The following NOX5 variants were observed in gnomAD, a reference collection of about 807,000 sequenced individuals.
The protein encoded by NOX5 is NADPH oxidase, EF-hand calcium binding domain 5.
A neutral mutation model predicts 85.7 loss-of-function variants in NOX5; 76 were observed. That is an observed-to-expected ratio of 0.89 (90% confidence interval 0.74 to 1.07). The LOEUF is 1.07. NOX5 is among the 50% of genes least tolerant of loss of function. The probability of loss-of-function intolerance (pLI) is 0.00; values close to 1 mark genes in which losing one functional copy is unlikely to be tolerated. For missense variants in NOX5, 973 were observed against 999.5 expected, an observed-to-expected ratio of 0.97 and a Z score of 0.36; for synonymous variants, 405 against 401.4, an observed-to-expected ratio of 1.01 and a Z score of -0.11.
At chr15:69,036,952 TA>T in intron 7 of NOX5, 75 bp from the exon 8 acceptor site, 1 of 1,187,598 alleles carries the variant, frequency 8.4e-7, no homozygotes, top group South Asian at 1.3e-5. Flanking sequence ...GCTTTGAGGA[TA>T]ACCCTGAGTC....
At chr15:69,039,652 C>T (rs988863960) in intron 9 of NOX5, among the ~76,000 whole-genome samples, 1 of 152,160 alleles carries the variant, frequency 6.6e-6, no homozygotes, top group Non-Finnish European at 1.5e-5. Flanking sequence ...CCTACTCCCA[C>T]CTGGACTTGG....
intron 14 of NOX5, among the ~76,000 whole-genome samples, chr15:69,050,548 G>A (rs889147998): frequency 4.6e-5 from 7 of 152,014 alleles, no homozygotes; most frequent in Non-Finnish European, 8.8e-5. Context: ...CCGCCTCCAC[G>A]CCAGGCTAAT....
At chr15:69,055,231 G>T in intron 14 of NOX5, 103 bp from the exon 15 acceptor site, 2 of 1,263,066 alleles carry the variant, frequency 1.6e-6, no homozygotes, top group Non-Finnish European at 2.2e-6. Context: ...AAAGACCTAT[G>T]GGTCTCCTTC....
chr15:69,020,405 T>G (rs2050283032), intron 1 of NOX5, among the ~76,000 whole-genome samples: 1 of 152,140 alleles, frequency 6.6e-6, no homozygotes, highest in Non-Finnish European at 1.5e-5. Context: ...ATTCTCATTA[T>G]TTTATTTATT....
chr15:69,050,894 C>T (rs886964135), intron 14 of NOX5, among the ~76,000 whole-genome samples: 1 of 152,186 alleles, frequency 6.6e-6, no homozygotes, highest in Non-Finnish European at 1.5e-5. Context: ...AAAGCCTCTT[C>T]GCTTTTAGTG....
intron 5 of NOX5, among the ~76,000 whole-genome samples, chr15:69,033,622 G>A (rs1436452117): frequency 6.6e-6 from 1 of 151,588 alleles, no homozygotes; most frequent in African/African-American, 2.4e-5. Flanking sequence ...TTGAATACCA[G>A]ACCATGGAGT....
At position 69,031,589 on chromosome 15, in the gene NOX5, C is replaced by A. The variant is rs746671904; in HGVS notation, c.397C>A (p.Pro133Thr). Residue 133 changes from proline to threonine, a missense_variant, in exon 4 of 16, where the codon CCA (proline) becomes ACA (threonine). Physicochemically the swap from Pro to Thr is conservative, Grantham distance 38. Coordinates refer to ENST00000388866, the MANE Select transcript of NOX5 (RefSeq NM_024505.4). ...GGCAGGCCCGCACTGGGCTTCATCC[C>A]CACTCGGGACAGGCAGTGGCTCCAT... is the stretch of plus-strand genomic sequence containing the variant. ...AGAGPHWASS[P>T]LGTGSGSIDP... is the part of the protein sequence containing the mutation. 5.0e-6 allele frequency: 8 copies of A among 1,613,044 alleles called. No individual in the cohort carries two copies. Among genetic ancestry groups the A allele is most frequent in the East Asian group, 2.2e-5 (1 of 44,878 alleles).
At chr15:69,039,066 C>T (rs745357412) in intron 9 of NOX5, 77 bp downstream of exon 9, 70 of 1,502,176 alleles carry the variant, frequency 4.7e-5, no homozygotes, top group Middle Eastern at 1.7e-4. Flanking sequence ...GCTGGAAACT[C>T]GGAACACAGC....
At chr15:69,023,430 T>C (rs922537214) in intron 1 of NOX5, 2 of 418,240 alleles carry the variant, frequency 4.8e-6, no homozygotes, top group Admixed American at 5.2e-5. Context: ...ATACTGAGGC[T>C]GATTATAGGT....
At chr15:69,030,336 A>C (rs1297651295) in intron 3 of NOX5, 1 of 152,256 alleles carries the variant, frequency 6.6e-6, no homozygotes, top group Non-Finnish European at 1.5e-5. Context: ...ATGGACCTGC[A>C]TTCTGAAAAG....
chr15:69,028,099 G>A (rs892147375), intron 2 of NOX5, 116 bp from the exon 3 acceptor site: 12 of 1,127,558 alleles, frequency 1.1e-5, no homozygotes, highest in Admixed American at 5.0e-5. Context: ...CCTGAATACC[G>A]CCACTCTGTG....
chr15:69,028,115 C>A, intron 2 of NOX5, 100 bp from the exon 3 acceptor site: 2 of 1,263,466 alleles, frequency 1.6e-6, no homozygotes, highest in Non-Finnish European at 2.2e-6. Flanking sequence ...CTGTGGTGCA[C>A]CCCCCCACCA....
chr15:69,049,143 C>T (rs2050714808), intron 14 of NOX5, 85 bp downstream of exon 14: 2 of 782,282 alleles, frequency 2.6e-6, no homozygotes, highest in African/African-American at 3.5e-5. Flanking sequence ...TGATATGAAA[C>T]TCACGTAACC....
At chr15:69,051,742 T>TGG (rs980919285) in intron 14 of NOX5, among the ~76,000 whole-genome samples, 1 of 152,084 alleles carries the variant, frequency 6.6e-6, no homozygotes, top group Non-Finnish European at 1.5e-5. Flanking sequence ...TATATATTTA[T>TGG]GGGGGGTGAG....
chr15:69,059,321 G>C lies in NOX5; in HGVS notation c.*2625G>C, dbSNP rs1018777457. The C allele has an allele frequency of 6.6e-6, 1 of 152,164 alleles. No individual in the cohort carries two copies. The highest frequency in any genetic ancestry group is 1.5e-5 in the Non-Finnish European group (1 of 68,030). 9.4% of individuals were successfully genotyped at this position (152,164 alleles called of 1,614,324 possible). On this transcript the variant is annotated 3_prime_UTR_variant, in exon 16 of 16. Coordinates refer to ENST00000388866, the MANE Select transcript of NOX5 (RefSeq NM_024505.4). The stretch of plus-strand genomic sequence containing the variant: ...GTTTCCCAGGAAGTGAGACTGGTCC[G>C]TGAGTGGCAGTTAATCAAAGGGAAA...
intron 3 of NOX5, 157 bp downstream of exon 3, chr15:69,028,522 C>T: frequency 1.7e-6 from 1 of 572,702 alleles, no homozygotes; most frequent in Non-Finnish European, 2.9e-6. Context: ...TTCCTTTCCT[C>T]ACATCTCTCT....
intron 9 of NOX5, among the ~76,000 whole-genome samples, chr15:69,041,886 T>G (rs1276596855): frequency 1.3e-5 from 2 of 152,108 alleles, no homozygotes; most frequent in South Asian, 4.1e-4. Flanking sequence ...TTTTTTCTTT[T>G]TAGTTCATCA....
chr15:69,018,333 A>G (rs1239794272), intron 1 of NOX5, among the ~76,000 whole-genome samples: 1 of 152,086 alleles, frequency 6.6e-6, no homozygotes, highest in Non-Finnish European at 1.5e-5. Context: ...CAGACTCTTT[A>G]AGTCTGATAA....
At position 69,031,786 on chromosome 15, in the gene NOX5, C is replaced by T. The variant is rs767232834; in HGVS notation, c.594C>T (p.Pro198=). 5 of 1,604,032 alleles carry T rather than the reference C, an allele frequency of 3.1e-6. No homozygotes were observed. Among genetic ancestry groups the T allele is most frequent in the Non-Finnish European group, 3.4e-6 (4 of 1,172,598 alleles). The change falls in exon 4 of 16, where the codon CCC becomes CCT. Residue 198 remains proline (P), a synonymous_variant. Transcript: ENST00000388866. ...TCCGGGACGAGCTGCAGCGCTTCCC[C>T]GGAGTCATGGAGAACCTGACCATCA... The part of the protein sequence containing the change: ...EELRDELQRF[P]GVMENLTISA...
Sources: allele counts gnomAD v4.1 joint callset (sites outside exome capture counted in the v4.1 genomes callset), GRCh38; gene constraint gnomAD v4.1.1; transcripts MANE v1.5; gene names NCBI Gene and HGNC (gene_info 2026-07-23, HGNC 2026-07-21).